Variants in LIPK observed in about 807,000 individuals in gnomAD.
LIPK encodes the protein lipase member K.
Under a neutral mutation model 48.6 loss-of-function variants are expected in LIPK, and 32 were observed. That is an observed-to-expected ratio of 0.66 (90% CI 0.50 to 0.88). The LOEUF (loss-of-function observed/expected upper bound fraction) is 0.88, where lower values mean the gene tolerates loss of function less well. Ranked by LOEUF, LIPK falls within the 40% of genes least tolerant of loss-of-function variation. LIPK has a pLI of 0.00. For missense variants in LIPK, 507 were observed against 478.5 expected (o/e 1.06, Z -0.56); for synonymous variants, 164 against 157.4 (o/e 1.04, Z -0.32).
In LIPK at chr10:88,729,255, G is replaced by GGGC. The variant is rs540096272; in HGVS notation, c.224-1726_224-1725insCGG. ...CGCAATGCAGGTGGCTATCTGTTGG[G>GGGC]GGGGGGGGGCGGGGGAAGAGCAATT... On this transcript the variant is annotated intron_variant, in intron 3 of 9. Coordinates refer to ENST00000404190, the MANE Select transcript of LIPK (RefSeq NM_001080518.2). Among the ~76,000 whole-genome samples the GGGC allele has an allele frequency of 4.2e-4, 52 of 123,226 alleles. 3 individuals carry two copies. The highest frequency in any genetic ancestry group is 7.3e-4 in the African/African-American group (25 of 34,076). 80.8% of individuals were successfully genotyped at this position (123,226 alleles called of 152,430 possible).
At chr10:88,728,629 G>A in intron 3 of LIPK, 2 of 489,738 alleles carry the variant, frequency 4.1e-6, no homozygotes, top group Admixed American at 2.1e-5. Flanking sequence ...GGCATCGAGA[G>A]CGCCACCTAC....
At chr10:88,742,416 TG>T (rs1201826727) in intron 8 of LIPK, among the ~76,000 whole-genome samples, 3 of 152,122 alleles carry the variant, frequency 2.0e-5, no homozygotes, top group Admixed American at 6.5e-5. Flanking sequence ...AATTGGTAAG[TG>T]GGAAAAATAT....
chr10:88,716,356 C>CTTTTT (rs11374780), intron 1 of LIPK, among the ~76,000 whole-genome samples: 1,336 of 120,260 alleles, frequency 0.011, 51 homozygotes, highest in Non-Finnish European at 0.017. Flanking sequence ...AGGAAAATTT[C>CTTTTT]TTTTTTTTTT....
chr10:88,732,253 C>T lies in LIPK; in HGVS notation c.498C>T (p.Leu166=), dbSNP rs749273795. The part of the protein sequence containing the change: ...FIIEKTGQKR[L]YYVGHSQGTT... ...TAGAGAAAACTGGACAGAAGCGACTCTACTACGTGGGCCACTCACAAGGCA... is the reference window on the plus strand; with the variant it reads ...TAGAGAAAACTGGACAGAAGCGACTTTACTACGTGGGCCACTCACAAGGCA... Residue 166 remains leucine, a synonymous_variant, in exon 5 of 10, where the codon CTC becomes CTT. Transcript: ENST00000404190. The T allele has an allele frequency of 9.2e-5, 148 of 1,613,990 alleles. 3 individuals are homozygous for T. In the Middle Eastern group the frequency reaches 3.8e-3, roughly 41 times the overall value.
chr10:88,726,485 GTT>G (rs1050335891), intron 2 of LIPK, among the ~76,000 whole-genome samples: 2 of 152,228 alleles, frequency 1.3e-5, no homozygotes, highest in Non-Finnish European at 1.5e-5. Context: ...GAGCTGAGGA[GTT>G]TAAGACCAGC....
intron 3 of LIPK, among the ~76,000 whole-genome samples, chr10:88,730,424 G>A (rs1842440690): frequency 6.6e-6 from 1 of 152,072 alleles, no homozygotes; most frequent in Non-Finnish European, 1.5e-5. Context: ...CGAGTAGCTG[G>A]GACTACAACG....
chr10:88,720,861 T>G lies in LIPK; in HGVS notation c.-11-3672T>G, dbSNP rs569852494. ...GGAGTCATGTTTTGTAGGATGGCAA[T>G]GTGAAAAGCTGATTTACAGTGATAA... On this transcript the variant is annotated intron_variant, in intron 1 of 9. Coordinates refer to ENST00000404190, the MANE Select transcript of LIPK (RefSeq NM_001080518.2). 1.6e-4 allele frequency among the ~76,000 whole-genome samples: 25 copies of G among 152,076 alleles called. No homozygotes were observed. In the South Asian group the frequency reaches 4.6e-3, roughly 28 times the overall value.
chr10:88,729,258 G>A (rs74677187), intron 3 of LIPK, among the ~76,000 whole-genome samples: 1 of 110,074 alleles, frequency 9.1e-6, no homozygotes, highest in Non-Finnish European at 1.9e-5. Flanking sequence ...CTGTTGGGGG[G>A]GGGGGGCGGG....
chr10:88,728,172 C>A (rs1842383094), intron 3 of LIPK: 2 of 199,990 alleles, frequency 1.0e-5, no homozygotes, highest in East Asian at 1.6e-4. Context: ...AAGGGCTGCC[C>A]CAGGAGAAGA....
At chr10:88,721,936 G>A (rs1282524577) in intron 1 of LIPK, among the ~76,000 whole-genome samples, 1 of 152,212 alleles carries the variant, frequency 6.6e-6, no homozygotes, top group East Asian at 1.9e-4. Context: ...TGATGAAGTG[G>A]AATAAAATCA....
Position 88,731,128 on chromosome 10 carries a change from G to A in LIPK, c.369G>A (p.Trp123Ter), listed in dbSNP as rs550645261. The change falls in exon 4 of 10, where the codon TGG becomes TGA. Residue 123 changes from tryptophan to a stop codon, truncating the protein, a stop_gained. Transcript: ENST00000404190. LOFTEE classifies it high-confidence loss of function. Reference sequence around the variant, plus strand: ...TGGGGAACAGCCGAGGAAACACTTGGTCCAGAAAACACCTTAAATTGTCAC... The same window carrying A: ...TGGGGAACAGCCGAGGAAACACTTGATCCAGAAAACACCTTAAATTGTCAC... The part of the protein sequence containing the change: ...VWLGNSRGNT[W>*]SRKHLKLSPK... 5 of 1,602,048 alleles carry A rather than the reference G, an allele frequency of 3.1e-6. No homozygotes were observed. The highest frequency in any genetic ancestry group is 3.5e-5 in the Admixed American group (2 of 57,126).
chr10:88,711,301 T>C (rs1486651759), intron 1 of LIPK, among the ~76,000 whole-genome samples: 3 of 152,172 alleles, frequency 2.0e-5, no homozygotes, highest in Non-Finnish European at 4.4e-5. Flanking sequence ...TTGCTATATA[T>C]ATATGTAGTG....
intron 9 of LIPK, among the ~76,000 whole-genome samples, chr10:88,747,388 A>C (rs1329428358): frequency 6.6e-6 from 1 of 152,200 alleles, no homozygotes; most frequent in African/African-American, 2.4e-5. Context: ...AGTGAACCTA[A>C]TACAGCAACA....
At chr10:88,744,752 C>T (rs942055560) in intron 9 of LIPK, among the ~76,000 whole-genome samples, 6 of 152,202 alleles carry the variant, frequency 3.9e-5, no homozygotes, top group Admixed American at 3.3e-4. Flanking sequence ...CACACTAACT[C>T]TCCAGCAATT....
intron 9 of LIPK, among the ~76,000 whole-genome samples, chr10:88,746,229 A>C (rs911358830): frequency 6.6e-6 from 1 of 152,204 alleles, no homozygotes; most frequent in Non-Finnish European, 1.5e-5. Flanking sequence ...TGATGCAGAA[A>C]GCTAACAAAG....
At chr10:88,747,841 T>C (rs182330578) in intron 9 of LIPK, among the ~76,000 whole-genome samples, 1 of 152,306 alleles carries the variant, frequency 6.6e-6, no homozygotes, top group African/African-American at 2.4e-5. Flanking sequence ...TTGTGGAAGA[T>C]AGCATGGCTA....
chr10:88,713,424 C>T (rs541789426), intron 1 of LIPK, among the ~76,000 whole-genome samples: 1 of 151,748 alleles, frequency 6.6e-6, no homozygotes, highest in Non-Finnish European at 1.5e-5. Flanking sequence ...GTTTTTATTT[C>T]TGGCGACTAG....
chr10:88,723,284 A>AT (rs1409149081), intron 1 of LIPK, among the ~76,000 whole-genome samples: 3 of 152,208 alleles, frequency 2.0e-5, no homozygotes, highest in Non-Finnish European at 4.4e-5. Context: ...ACATAGTTAT[A>AT]AGAGCAGTTA....
intron 7 of LIPK, among the ~76,000 whole-genome samples, chr10:88,737,990 C>T (rs1308063269): frequency 2.0e-5 from 3 of 152,198 alleles, no homozygotes; most frequent in Non-Finnish European, 4.4e-5. Flanking sequence ...CAACAATTCT[C>T]ATCTCTTCTT....
Sources: allele counts gnomAD v4.1 joint callset (sites outside exome capture counted in the v4.1 genomes callset), GRCh38; gene constraint gnomAD v4.1.1; transcripts MANE v1.5; gene names NCBI Gene and HGNC (gene_info 2026-07-23, HGNC 2026-07-21).